Variants in PREX1 observed in about 807,000 individuals in gnomAD.
PREX1 encodes phosphatidylinositol-3,4,5-trisphosphate dependent Rac exchange factor 1, also known as phosphatidylinositol 3,4,5-trisphosphate-dependent Rac exchanger 1 protein.
PREX1 carries 41 observed loss-of-function variants against 198.3 expected under a neutral mutation model. That is an observed-to-expected ratio of 0.21 (90% CI 0.16 to 0.27). The LOEUF (loss-of-function observed/expected upper bound fraction) is 0.27, where lower values mean the gene tolerates loss of function less well. PREX1 is among the 10% of genes least tolerant of loss of function. The pLI is 1.00. For synonymous variants in PREX1, 843 were observed against 887.2 expected (o/e 0.95, Z 0.89); for missense variants, 1,620 against 2,200.7 (o/e 0.74, Z 5.28).
At chr20:48,829,792 C>T (rs2090532490), upstream of PREX1, among the ~76,000 whole-genome samples, 2 of 152,088 alleles carry the variant, frequency 1.3e-5, no homozygotes, top group South Asian at 2.1e-4. Flanking sequence ...TGGAATGAAG[C>T]GGGCTTGCAT....
chr20:48,692,128 G>A (rs548964927), intron 8 of PREX1, among the ~76,000 whole-genome samples: 5 of 152,142 alleles, frequency 3.3e-5, no homozygotes, highest in East Asian at 3.9e-4. Context: ...GGGCTCAAGC[G>A]GTCTGCCCAT....
chr20:48,650,945 G>T lies in PREX1; in HGVS notation c.2766C>A (p.Ile922=). Residue 922 remains isoleucine (I), a synonymous_variant, in exon 23 of 40, where the codon ATC becomes ATA. Transcript: ENST00000371941. ...CAATGCTCTCCAGCTTGGTGTCACA[G>T]ATGTTGCGGAACTCAAAGTGGGGCA... ...VTMPHFEFRN[I]CDTKLESIGQ... 1 of 1,614,212 alleles carries T rather than the reference G, an allele frequency of 6.2e-7. No homozygotes were observed. Among genetic ancestry groups the T allele is most frequent in the Non-Finnish European group, 8.5e-7 (1 of 1,180,046 alleles).
chr20:48,632,415 G>A (rs183116417), intron 34 of PREX1, 24 bp from the exon 35 acceptor site: 427 of 1,613,112 alleles, frequency 2.6e-4, no homozygotes, highest in Admixed American at 6.2e-4. Context: ...TGTCGGGGGC[G>A]GGCAGGCGGT....
At chr20:48,644,263 C>A in intron 27 of PREX1, 146 bp downstream of exon 27, 1 of 690,890 alleles carries the variant, frequency 1.4e-6, no homozygotes, top group Non-Finnish European at 2.3e-6. Flanking sequence ...TGTTGAATGA[C>A]TGAATGGAAG....
At chr20:48,880,981 TAAAAAA>T in the PREX1 span, among the ~76,000 whole-genome samples, 10 of 20,966 alleles carry the variant, frequency 4.8e-4, no homozygotes, top group Admixed American at 2.8e-3. Context: ...AAACCATTGC[TAAAAAA>T]AAAAAAAAAA....
chr20:48,742,228 A>C (rs2122754999), intron 3 of PREX1, among the ~76,000 whole-genome samples: 1 of 152,288 alleles, frequency 6.6e-6, no homozygotes, highest in South Asian at 2.1e-4. Flanking sequence ...CACCCTGCAC[A>C]AAGTCACACT....
chr20:48,650,637 G>A (rs2089487526), intron 23 of PREX1, among the ~76,000 whole-genome samples: 1 of 152,236 alleles, frequency 6.6e-6, no homozygotes, highest in Admixed American at 6.5e-5. Context: ...AAGGGCCAAC[G>A]TGTCCCCACC....
intron 16 of PREX1, among the ~76,000 whole-genome samples, chr20:48,659,630 G>A (rs2089575189): frequency 6.6e-6 from 1 of 152,096 alleles, no homozygotes; most frequent in African/African-American, 2.4e-5. Flanking sequence ...TATGCAGGAT[G>A]AGTTGCTTCA....
Position 48,684,832 on chromosome 20 carries a change from C to T in PREX1, c.1335-3497G>A, listed in dbSNP as rs188360064. Among the ~76,000 whole-genome samples the T allele has an allele frequency of 6.6e-6, 1 of 152,336 alleles. No individual in the cohort carries two copies. Among genetic ancestry groups the T allele is most frequent in the East Asian group, 1.9e-4 (1 of 5,178 alleles). On this transcript the variant is annotated intron_variant, in intron 10 of 39. Coordinates refer to ENST00000371941, the MANE Select transcript of PREX1 (RefSeq NM_020820.4). The surrounding 1 kb of genome is among the most constrained non-coding windows in gnomAD (Gnocchi z 4.2). ...ACTCAGGCTCCAGCCACAATGGCCT[C>T]CTCCTGTTCCACCATCACTCAAAGC... is the stretch of plus-strand genomic sequence containing the variant.
At chr20:48,768,292 C>T (rs557226045) in intron 1 of PREX1, among the ~76,000 whole-genome samples, 5 of 152,238 alleles carry the variant, frequency 3.3e-5, no homozygotes, top group East Asian at 1.9e-4. Flanking sequence ...AACAGGAGAA[C>T]GGATGAACAA....
chr20:48,649,545 G>C lies in PREX1; in HGVS notation c.3060C>G (p.His1020Gln). ...AGGGAGCAGCCATGGTGGTGATGCA[G>C]TGCTGGGTGTACGACATGGGGTTCA... ...GHLNPMSYTQ[H>Q]CITTMAAPSW... Residue 1020 changes from histidine (H) to glutamine (Q), a missense_variant, in exon 25 of 40, where the codon CAC (histidine) becomes CAG (glutamine). Physicochemically the swap from His to Gln is conservative, Grantham distance 24 (BLOSUM62 0). Around this residue, in one of 7 missense-constraint regions of PREX1, gnomAD observed 514 missense variants for 611.6 expected, o/e 0.84. Coordinates refer to ENST00000371941, the MANE Select transcript of PREX1 (RefSeq NM_020820.4). 1 of 1,608,910 alleles carries C rather than the reference G, an allele frequency of 6.2e-7. No homozygotes were observed. The highest frequency in any genetic ancestry group is 8.5e-7 in the Non-Finnish European group (1 of 1,177,282).
intron 23 of PREX1, 120 bp downstream of exon 23, chr20:48,650,774 A>G (rs1035169510): frequency 2.1e-5 from 27 of 1,287,690 alleles, no homozygotes; most frequent in Non-Finnish European, 2.7e-5. Context: ...CACACCATAC[A>G]TTCTCCTGTT....
chr20:48,678,251 A>G (rs1323844454), intron 13 of PREX1, among the ~76,000 whole-genome samples: 1 of 152,030 alleles, frequency 6.6e-6, no homozygotes, highest in African/African-American at 2.4e-5. Flanking sequence ...CGGAGGTTGC[A>G]GTAAGCCAAG....
intron 1 of PREX1, among the ~76,000 whole-genome samples, chr20:48,767,754 T>C (rs1401156994): frequency 2.0e-5 from 3 of 152,072 alleles, no homozygotes; most frequent in Non-Finnish European, 2.9e-5. Flanking sequence ...CCCCAGGCTT[T>C]TTCTTACCTC....
the PREX1 span, among the ~76,000 whole-genome samples, chr20:48,870,093 T>A: frequency 2.0e-5 from 3 of 152,228 alleles, no homozygotes; most frequent in Non-Finnish European, 4.4e-5. Context: ...TATCTGTAAC[T>A]AAATTCTCCA....
intron 1 of PREX1, among the ~76,000 whole-genome samples, chr20:48,768,826 G>A (rs2090221205): frequency 6.6e-6 from 1 of 152,104 alleles, no homozygotes; most frequent in Non-Finnish European, 1.5e-5. Flanking sequence ...ACTGGCAAGG[G>A]GCTCAAGGGG....
chr20:48,803,098 G>A (rs1681500001), intron 1 of PREX1, among the ~76,000 whole-genome samples: 1 of 152,212 alleles, frequency 6.6e-6, no homozygotes, highest in Non-Finnish European at 1.5e-5. Context: ...GTAGTTCAGA[G>A]GTATAGTCAG....
chr20:48,877,639 A>G, the PREX1 span, among the ~76,000 whole-genome samples: 1 of 152,250 alleles, frequency 6.6e-6, no homozygotes, highest in East Asian at 1.9e-4. Flanking sequence ...CCCCATGTCC[A>G]TTTCATATTT....
chr20:48,675,328 A>T (rs1203443332), intron 14 of PREX1, among the ~76,000 whole-genome samples: 1 of 152,190 alleles, frequency 6.6e-6, no homozygotes, highest in Non-Finnish European at 1.5e-5. Context: ...GGAACTCCCA[A>T]CCTCCGGAAC....
Sources: gnomAD v4.1 joint callset for allele counts (sites outside exome capture counted in the v4.1 genomes callset) on GRCh38, gnomAD v4.1.1 for gene constraint, gnomAD v4.1.1 regional missense constraint, Gnocchi (gnomAD v3.1) non-coding constraint, MANE v1.5 for transcripts, NCBI Gene and HGNC (gene_info 2026-07-23, HGNC 2026-07-21) for gene names.